AGBL1: variants seen among roughly 807,000 people sequenced by gnomAD.
The protein encoded by AGBL1 is cytosolic carboxypeptidase 4.
Under a neutral mutation model 118.9 loss-of-function variants are expected in AGBL1, and 130 were observed. The observed-to-expected ratio is 1.09, with a 90% CI of 0.95 to 1.26. The LOEUF (loss-of-function observed/expected upper bound fraction) is 1.26. Ranked by LOEUF, AGBL1 falls within the 50% of genes most tolerant of loss-of-function variation. The pLI is 0.00. For synonymous variants in AGBL1, 555 were observed against 478.9 expected, an observed-to-expected ratio of 1.16 and a Z score of -2.08; for missense variants, 1,584 against 1,298.1, an observed-to-expected ratio of 1.22 and a Z score of -3.38.
At chr15:86,776,873 A>AT (rs1427256085) in intron 22 of AGBL1, among the ~76,000 whole-genome samples, 1 of 150,820 alleles carries the variant, frequency 6.6e-6, no homozygotes, top group Non-Finnish European at 1.5e-5. Flanking sequence ...AGTATGTATT[A>AT]TTTTTTGCTA....
intron 9 of AGBL1, among the ~76,000 whole-genome samples, chr15:86,259,204 T>C (rs947135604): frequency 2.6e-5 from 4 of 152,204 alleles, no homozygotes; most frequent in Non-Finnish European, 5.9e-5. Flanking sequence ...ACCTACCTCA[T>C]TACCCTCCAG....
At chr15:86,152,922 A>G (rs1463653035) in intron 3 of AGBL1, among the ~76,000 whole-genome samples, 2 of 152,250 alleles carry the variant, frequency 1.3e-5, no homozygotes, top group African/African-American at 4.8e-5. Context: ...GCTCATCATC[A>G]CTGGTCATCA....
intron 5 of AGBL1, among the ~76,000 whole-genome samples, chr15:86,209,770 T>A (rs8023542): frequency 0.036 from 5,427 of 152,284 alleles, 303 homozygotes; most frequent in African/African-American, 0.12. Context: ...CTTTATCCAA[T>A]TTGCCAGTCT....
chr15:86,355,577 A>C (rs1056392299), intron 17 of AGBL1, among the ~76,000 whole-genome samples: 2 of 152,224 alleles, frequency 1.3e-5, no homozygotes, highest in African/African-American at 4.8e-5. Flanking sequence ...AAACTTGACA[A>C]ATCTTCCAGC....
intron 18 of AGBL1, among the ~76,000 whole-genome samples, chr15:86,412,017 C>T (rs1380218913): frequency 6.6e-6 from 1 of 152,174 alleles, no homozygotes; most frequent in African/African-American, 2.4e-5. Flanking sequence ...TTAAAGGAGA[C>T]ATTTGGCCCA....
intron 23 of AGBL1, among the ~76,000 whole-genome samples, chr15:86,940,060 CTTTTTTTT>C (rs5814267): frequency 4.0e-4 from 24 of 59,454 alleles, no homozygotes; most frequent in Admixed American, 7.3e-4. Context: ...TTTGGTAGTC[CTTTTTTTT>C]TTTTTTTTTT....
rs188816235 is a variant in AGBL1, at chr15:86,584,538, G to C, written c.2994+30001G>C. Among the ~76,000 whole-genome samples, 204 of 152,006 alleles carry C rather than the reference G, an allele frequency of 1.3e-3. 1 individual carries two copies. The highest frequency in any genetic ancestry group is 4.6e-3 in the African/African-American group (192 of 41,516). ...CTCAGTTTTCTATTCTGTTCCATTG[G>C]TATTTATCTGTTTGTACCAGTACCA... is the stretch of plus-strand genomic sequence containing the variant. On this transcript the variant is annotated intron_variant, in intron 21 of 22. Coordinates refer to ENST00000614907, the MANE Select transcript of AGBL1 (RefSeq NM_001386094.1).
intron 21 of AGBL1, among the ~76,000 whole-genome samples, chr15:86,646,740 A>G (rs1414371287): frequency 1.3e-5 from 2 of 152,212 alleles, no homozygotes; most frequent in East Asian, 3.9e-4. Flanking sequence ...AGTCAGTCCT[A>G]TGACCTTGAT....
intron 22 of AGBL1, among the ~76,000 whole-genome samples, chr15:86,847,173 C>A (rs541096045): frequency 6.6e-6 from 1 of 152,196 alleles, no homozygotes; most frequent in African/African-American, 2.4e-5. Flanking sequence ...TTTATTTAAG[C>A]ATAGTGTTGT....
At chr15:86,722,240 T>C (rs912911076) in intron 22 of AGBL1, among the ~76,000 whole-genome samples, 1 of 152,204 alleles carries the variant, frequency 6.6e-6, no homozygotes, top group Non-Finnish European at 1.5e-5. Context: ...GGCATCACGC[T>C]ACCTGACTTC....
At chr15:86,921,820 A>G (rs1185384053) in intron 23 of AGBL1, among the ~76,000 whole-genome samples, 1 of 152,098 alleles carries the variant, frequency 6.6e-6, no homozygotes, top group South Asian at 2.1e-4. Flanking sequence ...ACTTAGTTAT[A>G]AAGAGCACAC....
chr15:86,962,665 T>C (rs925441392), intron 23 of AGBL1, among the ~76,000 whole-genome samples: 1 of 152,054 alleles, frequency 6.6e-6, no homozygotes, highest in African/African-American at 2.4e-5. Context: ...ATATTTTCTT[T>C]CCATGAAAAG....
intron 21 of AGBL1, among the ~76,000 whole-genome samples, chr15:86,654,375 A>G (rs926205439): frequency 6.6e-6 from 1 of 152,162 alleles, no homozygotes; most frequent in African/African-American, 2.4e-5. Flanking sequence ...CATATGGGTA[A>G]GTAATTGCAT....
intron 18 of AGBL1, among the ~76,000 whole-genome samples, chr15:86,510,388 T>C (rs891590481): frequency 6.6e-5 from 10 of 151,840 alleles, no homozygotes; most frequent in African/African-American, 2.2e-4. Flanking sequence ...TGAAGAAGGC[T>C]CTTAGGCATA....
chr15:86,423,807 T>C (rs1233792172), intron 18 of AGBL1, among the ~76,000 whole-genome samples: 4 of 152,068 alleles, frequency 2.6e-5, no homozygotes. Flanking sequence ...ATAAAATACC[T>C]AGCAATACAA....
intron 17 of AGBL1, among the ~76,000 whole-genome samples, chr15:86,316,370 G>A (rs941817638): frequency 2.6e-5 from 4 of 152,026 alleles, no homozygotes; most frequent in African/African-American, 4.8e-5. Context: ...TCTCCTACAC[G>A]GCTTATACTA....
At position 86,270,086 on chromosome 15, in the gene AGBL1, C is replaced by G. The variant is rs748239264; in HGVS notation, c.1987+19C>G. On this transcript the variant is annotated intron_variant, in intron 14 of 22. Coordinates refer to ENST00000614907, the MANE Select transcript of AGBL1 (RefSeq NM_001386094.1). ...AATTATGGTATGAACGCTTGGGGAG[C>G]AGGGGCTTTCTGGAACATGCCAGGA... 1.9e-6 allele frequency: 3 copies of G among 1,600,224 alleles called. No homozygotes were observed. Among genetic ancestry groups the G allele is most frequent in the Admixed American group, 1.7e-5 (1 of 57,856 alleles).
chr15:86,971,078 T>C (rs1331073436), intron 23 of AGBL1, among the ~76,000 whole-genome samples: 2 of 152,030 alleles, frequency 1.3e-5, no homozygotes, highest in African/African-American at 4.8e-5. Context: ...GCAGTGGTTC[T>C]GGAACAAATC....
chr15:86,468,401 G>C (rs1803394738), intron 18 of AGBL1, among the ~76,000 whole-genome samples: 1 of 152,136 alleles, frequency 6.6e-6, no homozygotes. Flanking sequence ...GTTAAGCTTG[G>C]GGTGTAGTTT....
Sources: allele counts gnomAD v4.1 joint callset (sites outside exome capture counted in the v4.1 genomes callset), GRCh38; gene constraint gnomAD v4.1.1; transcripts MANE v1.5; gene names NCBI Gene and HGNC (gene_info 2026-07-23, HGNC 2026-07-21).